The following PDLIM5 variants were observed in gnomAD, a reference collection of about 807,000 sequenced individuals.
PDLIM5 encodes PDZ and LIM domain protein 5.
PDLIM5 carries 34 observed loss-of-function variants against 64.2 expected under a neutral mutation model. The observed-to-expected ratio is 0.53, with a 90% CI of 0.40 to 0.71. The LOEUF (loss-of-function observed/expected upper bound fraction) is 0.71, where lower values mean the gene tolerates loss of function less well. Among genes scored for constraint, PDLIM5 ranks in the 30% least tolerant of loss-of-function variants. PDLIM5 has a pLI of 0.00. For missense variants in PDLIM5, 683 were observed against 733.6 expected (o/e 0.93, Z 0.80); for synonymous variants, 253 against 269.1 (o/e 0.94, Z 0.59).
chr4:94,522,443 T>C (rs1299748277), intron 2 of PDLIM5, among the ~76,000 whole-genome samples: 1 of 152,170 alleles, frequency 6.6e-6, no homozygotes, highest in Non-Finnish European at 1.5e-5. Flanking sequence ...TTGCACGATC[T>C]CAGCTCACTG....
At chr4:94,486,693 C>T (rs1726368353) in intron 2 of PDLIM5, among the ~76,000 whole-genome samples, 1 of 152,038 alleles carries the variant, frequency 6.6e-6, no homozygotes, top group Non-Finnish European at 1.5e-5. Context: ...TTCTTGCTAC[C>T]ATATGTGAAA....
chr4:94,635,701 C>G (rs142455086), intron 8 of PDLIM5, among the ~76,000 whole-genome samples: 21 of 152,296 alleles, frequency 1.4e-4, no homozygotes, highest in African/African-American at 4.8e-4. Flanking sequence ...CCCAAGACCT[C>G]ACCCTGTTAC....
chr4:94,651,628 A>G (rs1250394605), intron 9 of PDLIM5, among the ~76,000 whole-genome samples: 2 of 152,192 alleles, frequency 1.3e-5, no homozygotes, highest in African/African-American at 4.8e-5. Flanking sequence ...CTCTGGTTAG[A>G]CTGTAAATCT....
chr4:94,643,726 C>T (rs774241172), intron 9 of PDLIM5, among the ~76,000 whole-genome samples: 3 of 152,280 alleles, frequency 2.0e-5, no homozygotes, highest in Non-Finnish European at 4.4e-5. Context: ...AAACTATATA[C>T]AGCCAATCCA....
intron 5 of PDLIM5, chr4:94,585,127 G>C (rs536938485): frequency 1.2e-5 from 7 of 588,438 alleles, no homozygotes; most frequent in Non-Finnish European, 2.1e-5. Flanking sequence ...GTCTCGCTCT[G>C]TTGCCCAGGC....
chr4:94,525,077 A>G (rs573640381), intron 3 of PDLIM5, among the ~76,000 whole-genome samples: 29 of 152,324 alleles, frequency 1.9e-4, no homozygotes, highest in Non-Finnish European at 3.5e-4. Context: ...TATATTGCAT[A>G]TAATTATCTT....
intron 8 of PDLIM5, among the ~76,000 whole-genome samples, chr4:94,634,781 C>T (rs11732668): frequency 0.35 from 53,680 of 152,054 alleles, 10,824 homozygotes; most frequent in South Asian, 0.61. Context: ...CCACTTTATT[C>T]TTAATCCGGT....
intron 9 of PDLIM5, among the ~76,000 whole-genome samples, chr4:94,647,524 A>C (rs1741511176): frequency 6.6e-6 from 1 of 152,158 alleles, no homozygotes; most frequent in Non-Finnish European, 1.5e-5. Context: ...GAAGGGAGTA[A>C]TATATACAAT....
chr4:94,517,237 A>G (rs1379739286), intron 2 of PDLIM5, among the ~76,000 whole-genome samples: 1 of 152,180 alleles, frequency 6.6e-6, no homozygotes, highest in Non-Finnish European at 1.5e-5. Flanking sequence ...TCATAGGTGT[A>G]ATGCTCACAC....
chr4:94,650,839 G>T (rs1331534154), intron 9 of PDLIM5, among the ~76,000 whole-genome samples: 1 of 149,708 alleles, frequency 6.7e-6, no homozygotes, highest in Admixed American at 6.8e-5. Flanking sequence ...TTTTGGATAG[G>T]TCTCACAGAA....
chr4:94,592,220 C>T (rs1736724047), intron 7 of PDLIM5, among the ~76,000 whole-genome samples: 1 of 152,104 alleles, frequency 6.6e-6, no homozygotes, highest in African/African-American at 2.4e-5. Context: ...TGAGAAGCTT[C>T]AAAATGGGAA....
At chr4:94,611,033 A>G (rs1560739166) in intron 7 of PDLIM5, 2 of 1,500,044 alleles carry the variant, frequency 1.3e-6, no homozygotes, top group Non-Finnish European at 1.8e-6. Context: ...TGGTAGTGTG[A>G]TTTTTGACTT....
At chr4:94,576,069 A>G in intron 5 of PDLIM5, 35 bp downstream of exon 5, 1 of 1,544,318 alleles carries the variant, frequency 6.5e-7, no homozygotes, top group South Asian at 1.2e-5. Flanking sequence ...TCTTACTAAA[A>G]CTCTTCTTTC....
intron 7 of PDLIM5, chr4:94,587,063 G>T: frequency 6.2e-7 from 1 of 1,606,380 alleles, no homozygotes; most frequent in Non-Finnish European, 8.5e-7. Context: ...GTTTCAGCAC[G>T]TGCTCTTAAC....
chr4:94,512,635 G>A (rs560843161), intron 2 of PDLIM5, among the ~76,000 whole-genome samples: 25 of 150,988 alleles, frequency 1.7e-4, no homozygotes, highest in Middle Eastern at 3.4e-3. Flanking sequence ...TTTTTTCATA[G>A]CGTTGTTTGT....
chr4:94,589,679 G>A (rs1289145788), intron 7 of PDLIM5, among the ~76,000 whole-genome samples: 1 of 152,012 alleles, frequency 6.6e-6, no homozygotes, highest in Non-Finnish European at 1.5e-5. Flanking sequence ...GTGAAATTGG[G>A]AAGTTGCTCT....
At chr4:94,571,493 C>T (rs561596024) in intron 3 of PDLIM5, among the ~76,000 whole-genome samples, 1 of 152,154 alleles carries the variant, frequency 6.6e-6, no homozygotes, top group African/African-American at 2.4e-5. Flanking sequence ...AATTGTTGAC[C>T]CCATAGCACA....
intron 8 of PDLIM5, among the ~76,000 whole-genome samples, chr4:94,638,128 A>C (rs1383686448): frequency 6.6e-6 from 1 of 152,196 alleles, no homozygotes; most frequent in Non-Finnish European, 1.5e-5. Flanking sequence ...TTTAAAGATA[A>C]TAACAGGTGT....
chr4:94,494,429 C>CTTTTTTTTTTTTTTTTTTT (rs1261064734), intron 2 of PDLIM5, among the ~76,000 whole-genome samples: 7 of 51,602 alleles, frequency 1.4e-4, no homozygotes, highest in South Asian at 1.3e-3. Flanking sequence ...TTTTTTTTTT[C>CTTTTTTTTTTTTTTTTTTT]TTGTTTTTTT....
Sources: gnomAD v4.1 joint callset for allele counts (sites outside exome capture counted in the v4.1 genomes callset) on GRCh38, gnomAD v4.1.1 for gene constraint, MANE v1.5 for transcripts, NCBI Gene and HGNC (gene_info 2026-07-23, HGNC 2026-07-21) for gene names.